Variants in RBFOX1 observed in about 807,000 individuals in gnomAD.
RBFOX1 encodes the protein RNA binding protein fox-1 homolog 1.
Under a neutral mutation model 57.7 loss-of-function variants are expected in RBFOX1, and 8 were observed. The observed-to-expected ratio is 0.14, with a 90% CI of 0.08 to 0.25. The LOEUF (loss-of-function observed/expected upper bound fraction) is 0.25, where lower values mean the gene tolerates loss of function less well. Ranked by LOEUF, RBFOX1 falls within the 10% of genes least tolerant of loss-of-function variation. RBFOX1 has a pLI of 1.00. For missense variants in RBFOX1, 611 were observed against 548.5 expected (o/e 1.11, Z -1.14); for synonymous variants, 326 against 222.4 (o/e 1.47, Z -4.15).
At chr16:7,264,432 C>T (rs1481049129) in intron 4 of RBFOX1, among the ~76,000 whole-genome samples, 2 of 152,166 alleles carry the variant, frequency 1.3e-5, no homozygotes, top group East Asian at 1.9e-4. Flanking sequence ...CACAGTAGTC[C>T]AGTGTCTTGC....
chr16:7,480,669 G>C (rs1255610031), intron 4 of RBFOX1, among the ~76,000 whole-genome samples: 2 of 152,214 alleles, frequency 1.3e-5, no homozygotes, highest in Admixed American at 1.3e-4. Flanking sequence ...GCTGAGAGCT[G>C]TGTATGGAGC....
At chr16:7,704,248 T>C (rs2081688880) in intron 14 of RBFOX1, among the ~76,000 whole-genome samples, 1 of 152,228 alleles carries the variant, frequency 6.6e-6, no homozygotes, top group Non-Finnish European at 1.5e-5. Flanking sequence ...AGATGAGGTC[T>C]CATGATGGTT....
At chr16:7,043,878 T>C (rs555845089) in intron 3 of RBFOX1, among the ~76,000 whole-genome samples, 35 of 152,344 alleles carry the variant, frequency 2.3e-4, no homozygotes, top group African/African-American at 7.7e-4. Context: ...GCCTTTCCTC[T>C]GAATATATTT....
intron 3 of RBFOX1, among the ~76,000 whole-genome samples, chr16:6,787,274 G>A (rs1209996778): frequency 1.3e-5 from 2 of 152,228 alleles, no homozygotes; most frequent in East Asian, 1.9e-4. Context: ...GTTCTAGGCA[G>A]CATAATCTTA....
At chr16:5,607,406 G>C (rs777315695) in intron 3 of RBFOX1, among the ~76,000 whole-genome samples, 1 of 145,854 alleles carries the variant, frequency 6.9e-6, no homozygotes, top group African/African-American at 2.7e-5. Context: ...AGATAGCGCA[G>C]GGTCTGCCAT....
At chr16:5,862,377 T>G (rs887707241) in intron 3 of RBFOX1, among the ~76,000 whole-genome samples, 18 of 152,010 alleles carry the variant, frequency 1.2e-4, no homozygotes, top group African/African-American at 4.3e-4. Context: ...GGATGGCACT[T>G]GAGGGAGGGG....
chr16:6,882,926 G>T (rs1232230167), intron 3 of RBFOX1, among the ~76,000 whole-genome samples: 3 of 152,104 alleles, frequency 2.0e-5, no homozygotes, highest in African/African-American at 7.2e-5. Context: ...AATTGAATCA[G>T]GATGTCTTAG....
chr16:7,114,425 G>T (rs74008806), intron 4 of RBFOX1, among the ~76,000 whole-genome samples: 2,293 of 152,210 alleles, frequency 0.015, 56 homozygotes, highest in African/African-American at 0.053. Context: ...TTTAATAAAG[G>T]CACAGAAATG....
intron 4 of RBFOX1, among the ~76,000 whole-genome samples, chr16:7,449,018 C>A (rs1484673860): frequency 6.9e-6 from 1 of 144,824 alleles, no homozygotes; most frequent in African/African-American, 2.5e-5. Flanking sequence ...CAACCTCCAC[C>A]TCCCGGGTTC....
rs1407859281 is a variant in RBFOX1, at chr16:6,617,780, T to A, written c.-63-36823T>A. 2.0e-5 allele frequency among the ~76,000 whole-genome samples: 3 copies of A among 151,992 alleles called. No individual in the cohort carries two copies. The South Asian group carries it at 6.2e-4, about 32-fold the overall frequency. On this transcript the variant is annotated intron_variant, in intron 2 of 15. Transcript: ENST00000550418. ...GGAAATATGGCAAGACAGTAGACAG[T>A]GGGGGATAAAGTACAGCAATTTTCT...
chr16:6,315,669 G>A (rs985903465), intron 1 of RBFOX1, among the ~76,000 whole-genome samples: 2 of 152,248 alleles, frequency 1.3e-5, no homozygotes, highest in Admixed American at 6.5e-5. Flanking sequence ...TTTATTAGTT[G>A]AAAGAAATTG....
intron 2 of RBFOX1, among the ~76,000 whole-genome samples, chr16:5,492,960 TTGGCAAACTA>T (rs1186368607): frequency 2.0e-5 from 3 of 152,260 alleles, no homozygotes; most frequent in Non-Finnish European, 4.4e-5. Flanking sequence ...ACACCAAGAT[TTGGCAAACTA>T]TGGCCCATGG....
chr16:6,833,313 C>A (rs1163508191), intron 3 of RBFOX1, among the ~76,000 whole-genome samples: 2 of 151,848 alleles, frequency 1.3e-5, no homozygotes, highest in Admixed American at 1.3e-4. Context: ...CTATAGGCTC[C>A]CAACACCATG....
At chr16:6,980,868 C>T (rs923327391) in intron 3 of RBFOX1, among the ~76,000 whole-genome samples, 1 of 151,864 alleles carries the variant, frequency 6.6e-6, no homozygotes, top group South Asian at 2.1e-4. Flanking sequence ...CATGTTGAAA[C>T]CCCATCTGTA....
At chr16:7,072,853 G>C (rs1269666641) in intron 4 of RBFOX1, among the ~76,000 whole-genome samples, 1 of 152,168 alleles carries the variant, frequency 6.6e-6, no homozygotes, top group Non-Finnish European at 1.5e-5. Context: ...GAACATAAGT[G>C]CTCTGAGATG....
At chr16:5,992,851 T>C (rs2060424593) in intron 4 of RBFOX1, among the ~76,000 whole-genome samples, 1 of 152,168 alleles carries the variant, frequency 6.6e-6, no homozygotes, top group East Asian at 1.9e-4. Context: ...GGAGAATTGC[T>C]TGAACCTGGG....
intron 1 of RBFOX1, among the ~76,000 whole-genome samples, chr16:6,122,026 C>T (rs1290802564): frequency 1.3e-5 from 2 of 152,168 alleles, no homozygotes; most frequent in African/African-American, 4.8e-5. Context: ...CTGCCTCAGC[C>T]TCCTGCGTAG....
intron 1 of RBFOX1, among the ~76,000 whole-genome samples, chr16:5,459,762 C>G (rs1363865774): frequency 6.6e-6 from 1 of 152,100 alleles, no homozygotes; most frequent in Non-Finnish European, 1.5e-5. Flanking sequence ...CACCTGCATA[C>G]ATTCACACCA....
chr16:7,339,487 C>A (rs967717545), intron 4 of RBFOX1, among the ~76,000 whole-genome samples: 1 of 152,210 alleles, frequency 6.6e-6, no homozygotes, highest in Non-Finnish European at 1.5e-5. Context: ...GTAGCCCAGG[C>A]TGTAGTGCAG....
Sources: allele counts gnomAD v4.1 joint callset (sites outside exome capture counted in the v4.1 genomes callset), GRCh38; gene constraint gnomAD v4.1.1; transcripts MANE v1.5; gene names NCBI Gene and HGNC (gene_info 2026-07-23, HGNC 2026-07-21).